ZFAND1: variants seen among roughly 807,000 people sequenced by gnomAD.
ZFAND1 encodes the protein AN1-type zinc finger protein 1.
ZFAND1 carries 40 observed loss-of-function variants against 38.5 expected under a neutral mutation model. The observed-to-expected ratio is 1.04, with a 90% CI of 0.81 to 1.35. The LOEUF (loss-of-function observed/expected upper bound fraction) is 1.35, where lower values mean the gene tolerates loss of function less well. ZFAND1 is among the 40% of genes most tolerant of loss of function. ZFAND1 has a pLI of 0.00. For synonymous variants in ZFAND1, 117 were observed against 103.6 expected (o/e 1.13, Z -0.78); for missense variants, 346 against 316.3 (o/e 1.09, Z -0.71).
chr8:81,702,603 A>G lies in ZFAND1; in HGVS notation c.*92T>C. On this transcript the variant is annotated 3_prime_UTR_variant, in exon 8 of 8. Coordinates refer to ENST00000220669, the MANE Select transcript of ZFAND1 (RefSeq NM_024699.3). ...GAAATAAGTTAAAAAGCAACTTTTAAAAATTACAAAAATAGTATTTGTAGT... is the reference window on the plus strand; with the variant it reads ...GAAATAAGTTAAAAAGCAACTTTTAGAAATTACAAAAATAGTATTTGTAGT... The G allele has an allele frequency of 9.1e-7, 1 of 1,094,078 alleles. No homozygotes were observed. Among genetic ancestry groups the G allele is most frequent in the Non-Finnish European group, 1.2e-6 (1 of 829,580 alleles). 67.8% of individuals were successfully genotyped at this position (1,094,078 alleles called of 1,614,324 possible).
intron 6 of ZFAND1, among the ~76,000 whole-genome samples, chr8:81,709,972 T>C (rs1274086816): frequency 1.3e-5 from 2 of 152,240 alleles, no homozygotes; most frequent in African/African-American, 2.4e-5. Flanking sequence ...TTTTAAGTAA[T>C]AGAAGAATTG....
chr8:81,709,147 C>T (rs1430375657), intron 6 of ZFAND1, among the ~76,000 whole-genome samples: 1 of 152,132 alleles, frequency 6.6e-6, no homozygotes, highest in East Asian at 1.9e-4. Context: ...AAATAAGCCA[C>T]AGTACACCCA....
In ZFAND1 at chr8:81,720,786, C is replaced by T. The variant is rs533053208; in HGVS notation, c.55+441G>A. On this transcript the variant is annotated intron_variant, in intron 1 of 7. Coordinates refer to ENST00000220669, the MANE Select transcript of ZFAND1 (RefSeq NM_024699.3). ...GCAGAGTAAGTGTGAGCCACGCGAT[C>T]CAGCAGTGGGCTTCGTGCACTGCTC... is the stretch of plus-strand genomic sequence containing the variant. The T allele has an allele frequency of 3.5e-5, 7 of 202,884 alleles. No homozygotes were observed. The South Asian group carries it at 3.7e-4, about 11-fold the overall frequency. 12.6% of individuals were successfully genotyped at this position (202,884 alleles called of 1,614,324 possible). A position where few individuals can be genotyped will look rare whatever the true frequency, so the allele number is the denominator to read the frequency against.
intron 6 of ZFAND1, among the ~76,000 whole-genome samples, chr8:81,706,499 G>A (rs939728299): frequency 1.2e-4 from 18 of 151,210 alleles, no homozygotes; most frequent in Admixed American, 3.3e-4. Context: ...TTTCAAGCTC[G>A]TATTCAGGAG....
In ZFAND1 at chr8:81,702,876, A is replaced by G. The variant is rs760076577; in HGVS notation, c.637-11T>C. 67 of 1,578,038 alleles carry G rather than the reference A, an allele frequency of 4.2e-5. No individual in the cohort carries two copies. The highest frequency in any genetic ancestry group is 5.1e-5 in the Non-Finnish European group (59 of 1,166,474). ...ACACAGCCTTAATTTCTGTGAAGGG[A>G]GAAGTAAGTCATACTGTAATAAATA... On this transcript the variant is annotated splice_polypyrimidine_tract_variant and intron_variant, in intron 7 of 7. Transcript: ENST00000220669.
rs552141447 is a variant in ZFAND1 at position 81,718,051 on chromosome 8, A to G, written c.98+131T>C. The G allele has an allele frequency of 2.6e-4, 178 of 685,486 alleles. 1 individual carries two copies. The South Asian group carries it at 4.0e-3, about 15-fold the overall frequency. 42.5% of individuals were successfully genotyped at this position (685,486 alleles called of 1,614,324 possible). Reference sequence around the variant, plus strand: ...ATATATGGAGAAGTAATCAGAGTCTATAACTATACTGAATATCAATAATCA... The same window carrying G: ...ATATATGGAGAAGTAATCAGAGTCTGTAACTATACTGAATATCAATAATCA... On this transcript the variant is annotated intron_variant, in intron 2 of 7. Transcript: ENST00000220669.
At position 81,718,190 on chromosome 8, in the gene ZFAND1, T is replaced by C. The variant is rs200101020; in HGVS notation, c.90A>G (p.Gly30=). 5 of 1,578,976 alleles carry C rather than the reference T, an allele frequency of 3.2e-6. No homozygotes were observed. The East Asian group carries it at 1.2e-4, about 37-fold the overall frequency. The change falls in exon 2 of 8, where the codon GGA becomes GGG. Residue 30 remains glycine, a synonymous_variant. Transcript: ENST00000220669. ...ATAAAAACTTAACTTACCAAAATAT[T>C]CCTGAACAATCATCACACACAAATG... ...FLPFVCDDCS[G]IFCLEHRSRE...
intron 3 of ZFAND1, among the ~76,000 whole-genome samples, chr8:81,716,580 G>A (rs1251265456): frequency 6.6e-6 from 1 of 152,184 alleles, no homozygotes; most frequent in Non-Finnish European, 1.5e-5. Context: ...CAGTGAAAAT[G>A]AACACAACAG....
chr8:81,718,315 C>G, intron 1 of ZFAND1, 91 bp from the exon 2 acceptor site: 1 of 1,001,290 alleles, frequency 1.0e-6, no homozygotes, highest in East Asian at 2.7e-5. Context: ...GAAAAACTTC[C>G]CATTTTGACT....
intron 1 of ZFAND1, among the ~76,000 whole-genome samples, chr8:81,718,483 T>G (rs900260073): frequency 3.3e-5 from 5 of 152,028 alleles, no homozygotes; most frequent in African/African-American, 1.2e-4. Flanking sequence ...GTTTTCTTTT[T>G]CTTTTTTGTT....
chr8:81,706,019 A>C (rs2955005), intron 6 of ZFAND1, among the ~76,000 whole-genome samples: 47,387 of 152,088 alleles, frequency 0.31, 8,087 homozygotes, highest in East Asian at 0.8. Flanking sequence ...AAAATGAGTA[A>C]AATTTTCCAA....
chr8:81,705,092 A>C (rs13252972), intron 6 of ZFAND1, among the ~76,000 whole-genome samples: 1 of 152,176 alleles, frequency 6.6e-6, no homozygotes, highest in Non-Finnish European at 1.5e-5. Context: ...AAATAACAGC[A>C]CCACAGGGAG....
chr8:81,708,449 A>G (rs1808045064), intron 6 of ZFAND1, among the ~76,000 whole-genome samples: 1 of 152,130 alleles, frequency 6.6e-6, no homozygotes, highest in African/African-American at 2.4e-5. Flanking sequence ...GATTTTAGAT[A>G]AAGGATTAAC....
In ZFAND1 at chr8:81,703,044, C is replaced by T; in HGVS notation, c.561G>A (p.Trp187Ter). The T allele has an allele frequency of 6.3e-7, 1 of 1,580,216 alleles. No individual in the cohort carries two copies. The change falls in exon 7 of 8, where the codon TGG becomes TGA. Residue 187 changes from tryptophan (W) to a stop codon, truncating the protein, a stop_gained. Coordinates refer to ENST00000220669, the MANE Select transcript of ZFAND1 (RefSeq NM_024699.3). LOFTEE classifies it high-confidence loss of function. ...KSKPMFFCHR[W>*]SIGKAIDFAA... ...CAAAGTCTATGGCCTTTCCAATGCT[C>T]CATCGGTGGCAAAAGAACATTGGTT...
intron 6 of ZFAND1, among the ~76,000 whole-genome samples, chr8:81,706,825 T>A (rs1380119886): frequency 6.6e-6 from 1 of 152,170 alleles, no homozygotes; most frequent in Non-Finnish European, 1.5e-5. Context: ...ATTTTTTTTC[T>A]CTTTATTAGA....
intron 6 of ZFAND1, among the ~76,000 whole-genome samples, chr8:81,703,683 A>G (rs964713519): frequency 6.6e-6 from 1 of 152,110 alleles, no homozygotes; most frequent in Non-Finnish European, 1.5e-5. Flanking sequence ...TCGGCCTCTC[A>G]GAGTGCTGGG....
At chr8:81,720,213 G>C (rs971611799) in intron 1 of ZFAND1, among the ~76,000 whole-genome samples, 1 of 152,210 alleles carries the variant, frequency 6.6e-6, no homozygotes, top group Non-Finnish European at 1.5e-5. Flanking sequence ...AGCAGTCTGT[G>C]TGGTTCTAAT....
At chr8:81,718,131 A>T in intron 2 of ZFAND1, 51 bp downstream of exon 2, 1 of 1,405,074 alleles carries the variant, frequency 7.1e-7, no homozygotes, top group Non-Finnish European at 9.8e-7. Flanking sequence ...ATAACCTCAT[A>T]TTAATAAACA....
chr8:81,703,390 C>T (rs1203031329), intron 6 of ZFAND1, among the ~76,000 whole-genome samples: 1 of 150,864 alleles, frequency 6.6e-6, no homozygotes, highest in Non-Finnish European at 1.5e-5. Context: ...TTATGTTCAA[C>T]AGCTTAGGAG....
Sources: gnomAD v4.1 joint callset for allele counts (sites outside exome capture counted in the v4.1 genomes callset) on GRCh38, gnomAD v4.1.1 for gene constraint, MANE v1.5 for transcripts, NCBI Gene and HGNC (gene_info 2026-07-23, HGNC 2026-07-21) for gene names.